Variants in NPRL3 observed in about 807,000 individuals in gnomAD.
NPRL3 encodes the protein GATOR1 complex protein NPRL3.
In NPRL3, 23 loss-of-function variants were observed where a neutral mutation model predicts 57.2. The ratio of observed to expected loss-of-function variants is 0.40; its 90% CI spans 0.29 to 0.57. The LOEUF (loss-of-function observed/expected upper bound fraction) is 0.57. NPRL3 is among the 20% of genes least tolerant of loss of function. The pLI is 0.42. For synonymous variants in NPRL3, 333 were observed against 321.1 expected, an observed-to-expected ratio of 1.04 and a Z score of -0.39; for missense variants, 691 against 767.1, an observed-to-expected ratio of 0.90 and a Z score of 1.17.
At chr16:116,844 G>A (rs969158867) in intron 5 of NPRL3, among the ~76,000 whole-genome samples, 18 of 149,524 alleles carry the variant, frequency 1.2e-4, no homozygotes, top group Admixed American at 4.7e-4. Flanking sequence ...GCGTGGTGGC[G>A]CACACCTGTA....
At chr16:133,394 T>G (rs1455757410) in intron 2 of NPRL3, among the ~76,000 whole-genome samples, 1 of 151,556 alleles carries the variant, frequency 6.6e-6, no homozygotes, top group Non-Finnish European at 1.5e-5. Context: ...CCCAGCTAAT[T>G]TTTGTATTTT....
Position 112,728 on chromosome 16 carries a change from A to G in NPRL3, c.441T>C (p.Arg147=). 1 of 1,612,252 alleles carries G rather than the reference A, an allele frequency of 6.2e-7. No individual in the cohort carries two copies. Among genetic ancestry groups the G allele is most frequent in the Non-Finnish European group, 8.5e-7 (1 of 1,178,904 alleles). ...SVINCLHNLS[R]RIATVLQHEE... ...CGTGCTGCAGCACGGTGGCGATACG[A>G]CGGGACAGGTTATGCAGACAGTTTA... Residue 147 remains arginine, a synonymous_variant, in exon 6 of 14, where the codon CGT becomes CGC. Transcript: ENST00000611875.
At chr16:95,325 G>GTGTATATATA (rs761991763) in intron 9 of NPRL3, among the ~76,000 whole-genome samples, 9 of 102,212 alleles carry the variant, frequency 8.8e-5, no homozygotes, top group East Asian at 6.7e-4. Context: ...GTTTGTGTGT[G>GTGTATATATA]TATATATATA....
chr16:89,383 G>A lies in NPRL3; in HGVS notation c.1351+330C>T, dbSNP rs76458800. On this transcript the variant is annotated intron_variant, in intron 12 of 13. Transcript: ENST00000611875. ...CTGGCCATGACGGCTCTTCTGGGGC[G>A]CAGAGGTGTCAGCTGTCCTGGTAGT... 3,643 of 318,466 alleles carry A rather than the reference G, an allele frequency of 0.011. 325 individuals carry two copies. The East Asian group carries it at 0.18, about 16-fold the overall frequency. 19.7% of individuals were successfully genotyped at this position (318,466 alleles called of 1,614,324 possible). A position where few individuals can be genotyped will look rare whatever the true frequency, so the allele number is the denominator to read the frequency against.
intron 2 of NPRL3, among the ~76,000 whole-genome samples, 153 bp from the exon 3 acceptor site, chr16:130,744 G>C (rs1253656263): frequency 6.6e-6 from 1 of 152,246 alleles, no homozygotes; most frequent in African/African-American, 2.4e-5. Context: ...GAACATGGGT[G>C]AACCTTGACA....
chr16:132,804 G>A (rs1287730438), intron 2 of NPRL3, among the ~76,000 whole-genome samples: 1 of 151,666 alleles, frequency 6.6e-6, no homozygotes, highest in East Asian at 1.9e-4. Flanking sequence ...CAAGTAGCTG[G>A]GACTACAGGC....
At chr16:112,290 G>A (rs1567139605) in intron 6 of NPRL3, among the ~76,000 whole-genome samples, 1 of 152,342 alleles carries the variant, frequency 6.6e-6, no homozygotes, top group East Asian at 1.9e-4. Context: ...CTACAAATGT[G>A]CCCCTTGGGA....
At chr16:95,344 T>TACACACACAC (rs1188043170) in intron 9 of NPRL3, among the ~76,000 whole-genome samples, 93 of 59,326 alleles carry the variant, frequency 1.6e-3, no homozygotes, top group African/African-American at 3.1e-3. Context: ...TATATATATA[T>TACACACACAC]ATATATACAC....
chr16:135,941 CA>C (rs1901054102), intron 2 of NPRL3, among the ~76,000 whole-genome samples: 3 of 152,028 alleles, frequency 2.0e-5, no homozygotes. Context: ...AAAGGAAATC[CA>C]AATGGCTCCA....
chr16:86,317 G>T lies in NPRL3; in HGVS notation c.*388C>A. On this transcript the variant is annotated 3_prime_UTR_variant, in exon 14 of 14. Coordinates refer to ENST00000611875, the MANE Select transcript of NPRL3 (RefSeq NM_001077350.3). ...CAAGTGTTTCTGCACATTCTTCAGG[G>T]TGGCCACAGACTGGGGGGTCCAAGG... The T allele has an allele frequency of 4.8e-6, 1 of 209,736 alleles. No individual in the cohort carries two copies. The highest frequency in any genetic ancestry group is 9.7e-6 in the Non-Finnish European group (1 of 103,260). 13.0% of individuals were successfully genotyped at this position (209,736 alleles called of 1,614,324 possible).
In NPRL3 at chr16:138,178, T is replaced by C. The variant is rs749593197; in HGVS notation, c.90A>G (p.Arg30=). The change falls in exon 2 of 14, where the codon AGA becomes AGG. Residue 30 remains arginine (R), a synonymous_variant. Transcript: ENST00000611875. ...NKLLFRYPFQ[R]SQEHPASQTS... Reference sequence around the variant, plus strand: ...TCTGGGACGCCGGGTGCTCCTGGCTTCTCTGGAAGGGGTACCTGAACAGCA... The same window carrying C: ...TCTGGGACGCCGGGTGCTCCTGGCTCCTCTGGAAGGGGTACCTGAACAGCA... The C allele has an allele frequency of 6.2e-7, 1 of 1,608,780 alleles. No individual in the cohort carries two copies. Among genetic ancestry groups the C allele is most frequent in the South Asian group, 1.1e-5 (1 of 89,708 alleles).
chr16:136,371 T>G (rs565005786), intron 2 of NPRL3, among the ~76,000 whole-genome samples: 1 of 152,124 alleles, frequency 6.6e-6, no homozygotes, highest in Non-Finnish European at 1.5e-5. Flanking sequence ...GTGTATGGTG[T>G]GACTTTGCTT....
Position 95,177 on chromosome 16 carries a change from G to T in NPRL3, c.925-1852C>A, listed in dbSNP as rs1267753943. ...TTCCCATCTCAAGATCTTCTACTTA[G>T]TAACATCTCCAAAGTCCCACATGAG... On this transcript the variant is annotated intron_variant, in intron 9 of 13. Transcript: ENST00000611875. Among the ~76,000 whole-genome samples the T allele has an allele frequency of 5.3e-5, 8 of 152,076 alleles. No homozygotes were observed. In the East Asian group the frequency reaches 1.5e-3, roughly 29 times the overall value.
intron 11 of NPRL3, chr16:90,322 C>T: frequency 4.9e-6 from 1 of 205,424 alleles, no homozygotes. Flanking sequence ...CACCTCCACA[C>T]AAGCCCAGAC....
Position 86,381 on chromosome 16 carries a change from C to A in NPRL3, c.*324G>T. ...ACAGAAGGAGGGTCTGAGAAACGCACAGCCCACATGGGCCTTGAAGGATGC... is the reference window on the plus strand; with the variant it reads ...ACAGAAGGAGGGTCTGAGAAACGCAAAGCCCACATGGGCCTTGAAGGATGC... On this transcript the variant is annotated 3_prime_UTR_variant, in exon 14 of 14. Transcript: ENST00000611875. The A allele has an allele frequency of 3.2e-6, 1 of 314,386 alleles. No homozygotes were observed. The highest frequency in any genetic ancestry group is 6.0e-5 in the South Asian group (1 of 16,560). The allele number at this position is 314,386 out of a possible 1,614,324, so 19.5% of individuals were successfully genotyped here.
intron 3 of NPRL3, among the ~76,000 whole-genome samples, chr16:127,654 A>T (rs950075426): frequency 2.9e-5 from 4 of 139,894 alleles, no homozygotes; most frequent in Admixed American, 7.2e-5. Context: ...GAGCAAGTGA[A>T]TTTTTTTTTT....
chr16:112,579 C>A, intron 6 of NPRL3, 43 bp downstream of exon 6: 1 of 1,450,976 alleles, frequency 6.9e-7, no homozygotes, highest in Non-Finnish European at 9.2e-7. Context: ...GAGAGGCCAC[C>A]AGCCAGCCCA....
chr16:110,665 A>C, intron 6 of NPRL3, 59 bp from the exon 7 acceptor site: 2 of 1,422,784 alleles, frequency 1.4e-6, no homozygotes, highest in East Asian at 4.9e-5. Flanking sequence ...CTCCTGCCTC[A>C]GCCTTCCAAG....
rs558090660 is a variant in NPRL3, at chr16:85,543, G to A, written c.*1162C>T. The A allele has an allele frequency of 1.9e-6, 3 of 1,613,440 alleles. No homozygotes were observed. The highest frequency in any genetic ancestry group is 1.1e-5 in the South Asian group (1 of 91,090). On this transcript the variant is annotated 3_prime_UTR_variant, in exon 14 of 14. Transcript: ENST00000611875. Reference sequence around the variant, plus strand: ...AGCTCTGCAGTGGCCCCTCCAAGCTGTGCCAGGCCCTGGCCATCAACAAGA... The same window carrying A: ...AGCTCTGCAGTGGCCCCTCCAAGCTATGCCAGGCCCTGGCCATCAACAAGA...
Sources: allele counts gnomAD v4.1 joint callset (sites outside exome capture counted in the v4.1 genomes callset), GRCh38; gene constraint gnomAD v4.1.1; transcripts MANE v1.5; gene names NCBI Gene and HGNC (gene_info 2026-07-23, HGNC 2026-07-21).